Variants in DSCAM observed in about 807,000 individuals in gnomAD.
DSCAM encodes DS cell adhesion molecule.
In DSCAM, 47 loss-of-function variants were observed where a neutral mutation model predicts 217.7. That is an observed-to-expected ratio of 0.22 (90% CI 0.17 to 0.28). DSCAM has a LOEUF of 0.28. DSCAM is among the 10% of genes least tolerant of loss of function. The probability of loss-of-function intolerance (pLI) is 1.00; values close to 1 mark genes in which losing one functional copy is unlikely to be tolerated. For synonymous variants in DSCAM, 1,056 were observed against 1,015.3 expected, an observed-to-expected ratio of 1.04 and a Z score of -0.76; for missense variants, 2,080 against 2,618.3, an observed-to-expected ratio of 0.79 and a Z score of 4.49.
rs151283653 is a variant in DSCAM, at chr21:40,189,136, C to T, written c.2459G>A (p.Arg820His). Reference sequence around the variant, plus strand: ...AATGATTCGGTCCTCCTTCTCCCAGCGGACTATAATGGGCTTCTCACCATG... The same window carrying T: ...AATGATTCGGTCCTCCTTCTCCCAGTGGACTATAATGGGCTTCTCACCATG... ...TAHGEKPIIV[R>H]WEKEDRIINP... The change falls in exon 12 of 33, where the codon CGC becomes CAC. Residue 820 changes from arginine to histidine, a missense_variant. Around this residue, in one of 5 missense-constraint regions of DSCAM, gnomAD observed 1,144 missense variants for 1,421.1 expected, o/e 0.81. Coordinates refer to ENST00000400454, the MANE Select transcript of DSCAM (RefSeq NM_001389.5). 7 of 1,614,130 alleles carry T rather than the reference C, an allele frequency of 4.3e-6. No homozygotes were observed. Among genetic ancestry groups the T allele is most frequent in the Admixed American group, 3.3e-5 (2 of 60,024 alleles).
chr21:40,575,133 A>AAG (rs945795633), intron 3 of DSCAM, among the ~76,000 whole-genome samples: 7 of 152,016 alleles, frequency 4.6e-5, no homozygotes, highest in Non-Finnish European at 1.5e-5. Context: ...CCTTGCCTTA[A>AAG]CTGATGACAT....
chr21:40,663,598 C>A (rs79340267), intron 3 of DSCAM, among the ~76,000 whole-genome samples: 5 of 152,110 alleles, frequency 3.3e-5, no homozygotes, highest in Admixed American at 6.5e-5. Flanking sequence ...CATGGTGACT[C>A]GTTCACAGAT....
intron 8 of DSCAM, among the ~76,000 whole-genome samples, chr21:40,316,614 A>T (rs2074199749): frequency 6.6e-6 from 1 of 152,200 alleles, no homozygotes; most frequent in South Asian, 2.1e-4. Context: ...CTTGTATATC[A>T]TAGGAGCAGA....
chr21:40,431,313 C>G (rs896252758), intron 3 of DSCAM, among the ~76,000 whole-genome samples: 4 of 152,208 alleles, frequency 2.6e-5, no homozygotes, highest in Admixed American at 2.6e-4. Flanking sequence ...TCCTCCTCAG[C>G]CTATTCAATA....
chr21:40,696,309 A>G (rs2090594516), intron 2 of DSCAM, among the ~76,000 whole-genome samples: 1 of 152,080 alleles, frequency 6.6e-6, no homozygotes, highest in Non-Finnish European at 1.5e-5. Flanking sequence ...TTCGACCCCA[A>G]AAGGAGGAGC....
At chr21:40,196,853 T>C (rs940358883) in intron 11 of DSCAM, among the ~76,000 whole-genome samples, 15 of 152,208 alleles carry the variant, frequency 9.9e-5, no homozygotes, top group South Asian at 6.2e-4. Flanking sequence ...ACACTAGCCA[T>C]GGAAATGACC....
intron 3 of DSCAM, among the ~76,000 whole-genome samples, chr21:40,668,330 C>A (rs1209947538): frequency 1.3e-5 from 2 of 152,196 alleles, no homozygotes; most frequent in Non-Finnish European, 2.9e-5. Context: ...TGACAGGCAG[C>A]ATCAGTTGTG....
intron 4 of DSCAM, among the ~76,000 whole-genome samples, chr21:40,364,385 A>G (rs368405176): frequency 5.9e-5 from 9 of 152,092 alleles, no homozygotes; most frequent in Non-Finnish European, 8.8e-5. Flanking sequence ...GTAGGGACAT[A>G]GATGAAGCTG....
At chr21:40,171,529 C>T (rs1045941838) in intron 15 of DSCAM, among the ~76,000 whole-genome samples, 2 of 151,130 alleles carry the variant, frequency 1.3e-5, no homozygotes, top group Non-Finnish European at 2.9e-5. Context: ...ATTTATTGTT[C>T]TGCCTGTTCC....
rs534496107 is a variant in DSCAM, at chr21:40,294,865, A to G, written c.2182+1190T>C. Among the ~76,000 whole-genome samples the G allele has an allele frequency of 5.9e-5, 9 of 152,316 alleles. No homozygotes were observed. The South Asian group carries it at 1.9e-3, about 32-fold the overall frequency. On this transcript the variant is annotated intron_variant, in intron 10 of 32. Coordinates refer to ENST00000400454, the MANE Select transcript of DSCAM (RefSeq NM_001389.5). ...TTTTATTTTTGAAGAAGTCCTTTGC[A>G]CATGGACAGTGGATGTGGTGTGTGG... is the stretch of plus-strand genomic sequence containing the variant.
intron 1 of DSCAM, among the ~76,000 whole-genome samples, chr21:40,810,071 T>C (rs772771246): frequency 1.3e-5 from 2 of 152,222 alleles, no homozygotes; most frequent in African/African-American, 2.4e-5. Flanking sequence ...GGCCCCTCTG[T>C]TGAAACTATG....
At chr21:40,414,285 G>C (rs2075350194) in intron 3 of DSCAM, among the ~76,000 whole-genome samples, 1 of 152,098 alleles carries the variant, frequency 6.6e-6, no homozygotes, top group Admixed American at 6.5e-5. Flanking sequence ...TCGACTATAA[G>C]AAAACAAAAG....
At chr21:40,064,980 T>C (rs961061139) in intron 27 of DSCAM, among the ~76,000 whole-genome samples, 1 of 152,122 alleles carries the variant, frequency 6.6e-6, no homozygotes, top group Non-Finnish European at 1.5e-5. Context: ...CTGGGACTTG[T>C]TGAAAGCTTC....
intron 3 of DSCAM, among the ~76,000 whole-genome samples, chr21:40,430,678 A>G (rs2145894383): frequency 6.6e-6 from 1 of 152,342 alleles, no homozygotes; most frequent in East Asian, 1.9e-4. Flanking sequence ...CCCAATTAAT[A>G]CAACAGTGAA....
At chr21:40,493,601 C>T (rs2076093215) in intron 3 of DSCAM, among the ~76,000 whole-genome samples, 1 of 152,060 alleles carries the variant, frequency 6.6e-6, no homozygotes, top group Non-Finnish European at 1.5e-5. Flanking sequence ...GTGGCTCACA[C>T]CTGTAATCCC....
chr21:40,812,304 C>T (rs1225721787), intron 1 of DSCAM, among the ~76,000 whole-genome samples: 1 of 152,162 alleles, frequency 6.6e-6, no homozygotes, highest in Non-Finnish European at 1.5e-5. Context: ...GCAGCAGGTA[C>T]TCAGGTCAAT....
intron 11 of DSCAM, among the ~76,000 whole-genome samples, chr21:40,203,556 T>C (rs182179696): frequency 3.9e-5 from 6 of 152,364 alleles, no homozygotes; most frequent in Admixed American, 3.9e-4. Flanking sequence ...GAGCTAACTT[T>C]GAGGTTTTTT....
At chr21:40,212,450 AC>A (rs1452374618) in intron 11 of DSCAM, 1 of 154,086 alleles carries the variant, frequency 6.5e-6, no homozygotes, top group African/African-American at 2.4e-5. Flanking sequence ...TCTCAGCCTT[AC>A]CTCTGCAGTC....
At chr21:40,680,413 A>G (rs575691585) in intron 3 of DSCAM, among the ~76,000 whole-genome samples, 9 of 152,174 alleles carry the variant, frequency 5.9e-5, no homozygotes, top group South Asian at 4.1e-4. Context: ...GTATTTAACT[A>G]TGGAAGGTCT....
Sources: allele counts gnomAD v4.1 joint callset (sites outside exome capture counted in the v4.1 genomes callset), GRCh38; gene constraint gnomAD v4.1.1; regional missense constraint gnomAD v4.1.1; transcripts MANE v1.5; gene names NCBI Gene and HGNC (gene_info 2026-07-23, HGNC 2026-07-21).